The following GTF2H5 variants were observed in gnomAD, a reference collection of about 807,000 sequenced individuals.
GTF2H5 encodes TFB5 ortholog.
Under a neutral mutation model 7.1 loss-of-function variants are expected in GTF2H5, and 5 were observed. The ratio of observed to expected loss-of-function variants is 0.71; its 90% CI spans 0.37 to 1.49. The LOEUF (loss-of-function observed/expected upper bound fraction) is 1.49, where lower values mean the gene tolerates loss of function less well. Ranked by LOEUF, GTF2H5 falls within the 40% of genes most tolerant of loss-of-function variation. GTF2H5 has a pLI of 0.03. For synonymous variants in GTF2H5, 30 were observed against 31.7 expected, an observed-to-expected ratio of 0.95 and a Z score of 0.18; for missense variants, 80 against 83.0, an observed-to-expected ratio of 0.96 and a Z score of 0.14.
intron 2 of GTF2H5, among the ~76,000 whole-genome samples, chr6:158,182,673 T>C (rs1242874309): frequency 1.3e-5 from 2 of 151,978 alleles, no homozygotes; most frequent in Non-Finnish European, 2.9e-5. Flanking sequence ...AAATCGGCTA[T>C]TGAAGCTTGT....
intron 2 of GTF2H5, among the ~76,000 whole-genome samples, chr6:158,175,640 T>G (rs1458618670): frequency 6.6e-6 from 1 of 152,048 alleles, no homozygotes; most frequent in African/African-American, 2.4e-5. Flanking sequence ...GGTGGACGCC[T>G]GTAATCCCAG....
intron 2 of GTF2H5, among the ~76,000 whole-genome samples, chr6:158,184,721 T>G (rs1776883506): frequency 6.6e-6 from 1 of 152,218 alleles, no homozygotes; most frequent in Non-Finnish European, 1.5e-5. Flanking sequence ...TTTTAAGTAA[T>G]ATCTGTTGGC....
Position 158,195,908 on chromosome 6 carries a change from A to G in GTF2H5, c.*3751A>G, listed in dbSNP as rs1777099278. 6.6e-6 allele frequency: 1 copy of G among 152,238 alleles called. No individual in the cohort carries two copies. The highest frequency in any genetic ancestry group is 6.5e-5 in the Admixed American group (1 of 15,286). The allele number at this position is 152,238 out of a possible 1,614,324, so 9.4% of individuals were successfully genotyped here. A position where few individuals can be genotyped will look rare whatever the true frequency, so the allele number is the denominator to read the frequency against. ...TAGCTCAATTTCATTTGCAGCAAAG[A>G]TAACACTGAAATGTCTATGGATGAG... is the stretch of plus-strand genomic sequence containing the variant. On this transcript the variant is annotated 3_prime_UTR_variant, in exon 3 of 3. Transcript: ENST00000607778.
chr6:158,191,900 T>C, intron 2 of GTF2H5, 77 bp from the exon 3 acceptor site: 1 of 1,136,516 alleles, frequency 8.8e-7, no homozygotes, highest in East Asian at 2.4e-5. Flanking sequence ...ATTCTACATG[T>C]TCACATTTAA....
intron 2 of GTF2H5, among the ~76,000 whole-genome samples, chr6:158,175,042 G>GTA (rs1412621563): frequency 8.5e-6 from 1 of 117,928 alleles, no homozygotes; most frequent in African/African-American, 4.4e-5. Flanking sequence ...GTGTGTGTGT[G>GTA]TGTATACACA....
intron 2 of GTF2H5, among the ~76,000 whole-genome samples, chr6:158,179,555 A>G (rs1458742066): frequency 4.6e-5 from 7 of 152,092 alleles, no homozygotes; most frequent in Admixed American, 2.6e-4. Context: ...GGTCTTTCAC[A>G]TCCCATGTTA....
At position 158,195,855 on chromosome 6, in the gene GTF2H5, A is replaced by G. The variant is rs1343365034; in HGVS notation, c.*3698A>G. 6.6e-6 allele frequency: 1 copy of G among 152,240 alleles called. No individual in the cohort carries two copies. Among genetic ancestry groups the G allele is most frequent in the African/African-American group, 2.4e-5 (1 of 41,456 alleles). The allele number at this position is 152,240 out of a possible 1,614,324, so 9.4% of individuals were successfully genotyped here. A position where few individuals can be genotyped will look rare whatever the true frequency, so the allele number is the denominator to read the frequency against. ...TGGAGAAATGATGCAGTTTGCAAAT[A>G]TAGTCAATAAATATTCTCAAGTGTA... On this transcript the variant is annotated 3_prime_UTR_variant, in exon 3 of 3. Transcript: ENST00000607778.
chr6:158,169,692 A>T (rs1262730653), intron 1 of GTF2H5, among the ~76,000 whole-genome samples: 3 of 66,590 alleles, frequency 4.5e-5, no homozygotes, highest in South Asian at 6.8e-4. Context: ...TATAATATAT[A>T]TTATATAATA....
Position 158,198,767 on chromosome 6 carries a change from T to G in GTF2H5, c.*6610T>G, listed in dbSNP as rs1040309189. On this transcript the variant is annotated 3_prime_UTR_variant, in exon 3 of 3. Coordinates refer to ENST00000607778, the MANE Select transcript of GTF2H5 (RefSeq NM_207118.3). ...TGCAGGAGCGTTCTCTCGGCTCATC[T>G]CTTGTTTTCTCACCCAGCTGTTCTT... 3.9e-5 allele frequency: 6 copies of G among 152,220 alleles called. No individual in the cohort carries two copies. Among genetic ancestry groups the G allele is most frequent in the African/African-American group, 9.6e-5 (4 of 41,452 alleles). 9.4% of individuals were successfully genotyped at this position (152,220 alleles called of 1,614,324 possible).
chr6:158,190,347 A>C (rs1347189028), intron 2 of GTF2H5, among the ~76,000 whole-genome samples: 1 of 152,170 alleles, frequency 6.6e-6, no homozygotes, highest in Non-Finnish European at 1.5e-5. Flanking sequence ...GTATTAGCAA[A>C]TTATGTTGGT....
intron 2 of GTF2H5, among the ~76,000 whole-genome samples, chr6:158,178,191 T>C (rs745584626): frequency 2.0e-5 from 3 of 152,128 alleles, no homozygotes; most frequent in Non-Finnish European, 4.4e-5. Context: ...TGTAAAAGCA[T>C]TCCTGGCTGG....
At chr6:158,178,628 T>C (rs1785965460) in intron 2 of GTF2H5, among the ~76,000 whole-genome samples, 1 of 152,198 alleles carries the variant, frequency 6.6e-6, no homozygotes, top group Non-Finnish European at 1.5e-5. Flanking sequence ...TTTATATATC[T>C]GTTGGCTGCA....
intron 2 of GTF2H5, among the ~76,000 whole-genome samples, chr6:158,190,223 C>G (rs1275738497): frequency 6.6e-6 from 1 of 152,100 alleles, no homozygotes; most frequent in African/African-American, 2.4e-5. Context: ...TTGATCTTAC[C>G]TGCAGATCTT....
At chr6:158,169,702 ATATTG>A (rs1338482200) in intron 1 of GTF2H5, among the ~76,000 whole-genome samples, 2 of 89,294 alleles carry the variant, frequency 2.2e-5, no homozygotes, top group African/African-American at 4.7e-5. Flanking sequence ...ATTATATAAT[ATATTG>A]TATATTATAT....
intron 2 of GTF2H5, among the ~76,000 whole-genome samples, chr6:158,189,113 C>T (rs1776979650): frequency 6.6e-6 from 1 of 152,104 alleles, no homozygotes; most frequent in African/African-American, 2.4e-5. Flanking sequence ...TTGTCCTGAG[C>T]TCACTGCTTC....
At chr6:158,188,005 G>GA (rs997040080) in intron 2 of GTF2H5, among the ~76,000 whole-genome samples, 5 of 152,350 alleles carry the variant, frequency 3.3e-5, no homozygotes, top group African/African-American at 1.2e-4. Context: ...TTAGCCAAGG[G>GA]GAGGGTCCAT....
intron 2 of GTF2H5, among the ~76,000 whole-genome samples, chr6:158,179,469 T>C (rs1457224249): frequency 6.6e-6 from 1 of 152,248 alleles, no homozygotes; most frequent in African/African-American, 2.4e-5. Flanking sequence ...TGATTCTTCC[T>C]ATCCACGAGC....
chr6:158,169,767 T>TATATTATATAATATATTGTATATTAC (rs1785812558), intron 1 of GTF2H5, among the ~76,000 whole-genome samples: 1 of 56,742 alleles, frequency 1.8e-5, no homozygotes, highest in South Asian at 6.3e-4. Context: ...TTGTATATTA[T>TATATTATATAATATATTGTATATTAC]ATATAATATA....
At chr6:158,169,688 ATATAT>A (rs1785789453) in intron 1 of GTF2H5, among the ~76,000 whole-genome samples, 1 of 49,864 alleles carries the variant, frequency 2.0e-5, no homozygotes, top group Non-Finnish European at 3.0e-5. Context: ...AATATATAAT[ATATAT>A]TATATAATAT....
Sources: gnomAD v4.1 joint callset for allele counts (sites outside exome capture counted in the v4.1 genomes callset) on GRCh38, gnomAD v4.1.1 for gene constraint, MANE v1.5 for transcripts, NCBI Gene and HGNC (gene_info 2026-07-23, HGNC 2026-07-21) for gene names.